Variants in CCDC175 observed in about 807,000 individuals in gnomAD.
The protein encoded by CCDC175 is coiled-coil domain containing 175.
Under a neutral mutation model 114.6 loss-of-function variants are expected in CCDC175, and 100 were observed. The ratio of observed to expected loss-of-function variants is 0.87; its 90% confidence interval spans 0.74 to 1.03. The LOEUF (loss-of-function observed/expected upper bound fraction) is 1.03, where lower values mean the gene tolerates loss of function less well. Ranked by LOEUF, CCDC175 falls within the 50% of genes least tolerant of loss-of-function variation. The probability of loss-of-function intolerance (pLI) is 0.00; values close to 1 mark genes in which losing one functional copy is unlikely to be tolerated. For missense variants in CCDC175, 880 were observed against 917.8 expected (o/e 0.96, Z 0.53); for synonymous variants, 306 against 308.7 (o/e 0.99, Z 0.09).
chr14:59,552,306 T>A (rs1354327927), intron 7 of CCDC175, among the ~76,000 whole-genome samples: 2 of 152,214 alleles, frequency 1.3e-5, no homozygotes, highest in African/African-American at 4.8e-5. Context: ...CATTTGCTGT[T>A]CAGCAATATT....
At chr14:59,567,135 C>T (rs1896599833) in intron 4 of CCDC175, among the ~76,000 whole-genome samples, 1 of 152,206 alleles carries the variant, frequency 6.6e-6, no homozygotes, top group Non-Finnish European at 1.5e-5. Context: ...ATATAAATAT[C>T]TAGCCTGGGT....
At position 59,552,382 on chromosome 14, in the gene CCDC175, C is replaced by T. The variant is rs370828545; in HGVS notation, c.954-946G>A. Among the ~76,000 whole-genome samples the T allele has an allele frequency of 1.3e-4, 20 of 152,338 alleles. 2 individuals are homozygous for T. Among genetic ancestry groups the T allele is most frequent in the Admixed American group, 8.5e-4 (13 of 15,306 alleles). On this transcript the variant is annotated intron_variant, in intron 7 of 19. Transcript: ENST00000537690. ...GGGTCTGGAGTGGACCTCCAGCAAA[C>T]TCCAACAGACCTGCAGCTGAGGGTC...
At chr14:59,549,391 T>C (rs1033249615) in intron 8 of CCDC175, among the ~76,000 whole-genome samples, 1 of 152,132 alleles carries the variant, frequency 6.6e-6, no homozygotes, top group African/African-American at 2.4e-5. Context: ...TGAGTGCCTG[T>C]AGTCTCAGCT....
In CCDC175 at chr14:59,546,200, T is replaced by C. The variant is rs142372396; in HGVS notation, c.1036-901A>G. On this transcript the variant is annotated intron_variant, in intron 8 of 19. Transcript: ENST00000537690. ...TGCACCTAGAGGCCATTATCCTAAG[T>C]GGATTAATGCAGAAGCAGAAAATGA... Among the ~76,000 whole-genome samples, 7 of 152,228 alleles carry C rather than the reference T, an allele frequency of 4.6e-5. No homozygotes were observed. The East Asian group carries it at 1.4e-3, about 29-fold the overall frequency.
intron 6 of CCDC175, among the ~76,000 whole-genome samples, chr14:59,562,141 G>T (rs1006516669): frequency 6.6e-6 from 1 of 152,228 alleles, no homozygotes; most frequent in African/African-American, 2.4e-5. Context: ...AGAGGCCTCT[G>T]ATCAATCATC....
intron 10 of CCDC175, 68 bp downstream of exon 10, chr14:59,543,276 G>A (rs1894897970): frequency 5.2e-6 from 3 of 571,722 alleles, no homozygotes; most frequent in South Asian, 2.9e-5. Flanking sequence ...TAGATTTACT[G>A]CTATCATTTA....
chr14:59,561,952 C>A (rs1427700080), intron 6 of CCDC175, among the ~76,000 whole-genome samples: 3 of 152,182 alleles, frequency 2.0e-5, no homozygotes, highest in Admixed American at 6.5e-5. Context: ...CCATCTAACC[C>A]TGGACAGCAA....
At chr14:59,524,391 C>T (rs143110223) in intron 16 of CCDC175, among the ~76,000 whole-genome samples, 138 of 152,186 alleles carry the variant, frequency 9.1e-4, no homozygotes, top group Middle Eastern at 3.4e-3. Context: ...GAGCTATAAT[C>T]AGTATGAAAT....
chr14:59,549,136 T>C (rs1895294628), intron 8 of CCDC175, among the ~76,000 whole-genome samples: 1 of 152,218 alleles, frequency 6.6e-6, no homozygotes, highest in Non-Finnish European at 1.5e-5. Flanking sequence ...AAAATGTGAA[T>C]TTTATATCCT....
Position 59,525,309 on chromosome 14 carries a change from C to T in CCDC175, c.1968G>A (p.Leu656=). The T allele has an allele frequency of 6.9e-7, 1 of 1,458,476 alleles. No homozygotes were observed. The highest frequency in any genetic ancestry group is 9.0e-7 in the Non-Finnish European group (1 of 1,115,848). 90.3% of individuals were successfully genotyped at this position (1,458,476 alleles called of 1,614,324 possible). A position where few individuals can be genotyped will look rare whatever the true frequency, so the allele number is the denominator to read the frequency against. Reference sequence around the variant, plus strand: ...CTTTTAATTTTTTATTTTCCAGGAGCAGAAGATCTGCTTTTTGGTCATTTA... The same window carrying T: ...CTTTTAATTTTTTATTTTCCAGGAGTAGAAGATCTGCTTTTTGGTCATTTA... The part of the protein sequence containing the change: ...FYINDQKADL[L]LLENKKLKEY... Residue 656 remains leucine, a synonymous_variant, in exon 16 of 20, where the codon CTG becomes CTA. Coordinates refer to ENST00000537690, the MANE Select transcript of CCDC175 (RefSeq NM_001164399.2).
At chr14:59,507,399 A>C (rs1230360412) in intron 19 of CCDC175, among the ~76,000 whole-genome samples, 1 of 152,188 alleles carries the variant, frequency 6.6e-6, no homozygotes, top group African/African-American at 2.4e-5. Flanking sequence ...CAGGGCCTGG[A>C]GTTTATTCAA....
intron 7 of CCDC175, among the ~76,000 whole-genome samples, chr14:59,555,977 A>C (rs752604223): frequency 1.5e-4 from 23 of 152,354 alleles, no homozygotes; most frequent in South Asian, 1.0e-3. Flanking sequence ...GACACAAACA[A>C]ATGGAAGAAC....
intron 13 of CCDC175, among the ~76,000 whole-genome samples, chr14:59,536,529 C>T (rs1246009562): frequency 2.0e-5 from 3 of 151,954 alleles, no homozygotes; most frequent in Admixed American, 6.6e-5. Flanking sequence ...ATGCCAGGCA[C>T]CTAGACTAAT....
chr14:59,576,106 C>A (rs1424368478), intron 1 of CCDC175, among the ~76,000 whole-genome samples: 1 of 152,130 alleles, frequency 6.6e-6, no homozygotes, highest in African/African-American at 2.4e-5. Context: ...TTTAACCTGG[C>A]CCTATCCAAG....
chr14:59,526,531 G>C (rs1241149260), intron 15 of CCDC175, among the ~76,000 whole-genome samples: 2 of 149,930 alleles, frequency 1.3e-5, no homozygotes, highest in Non-Finnish European at 3.0e-5. Context: ...ACTCGAGCCT[G>C]GGCAACAGAG....
At chr14:59,516,337 T>G (rs958467745) in intron 17 of CCDC175, among the ~76,000 whole-genome samples, 1 of 151,838 alleles carries the variant, frequency 6.6e-6, no homozygotes, top group African/African-American at 2.4e-5. Context: ...CTGAAGGAAA[T>G]AGAGACTCAA....
At chr14:59,537,212 G>T (rs2140024455) in intron 13 of CCDC175, among the ~76,000 whole-genome samples, 1 of 152,094 alleles carries the variant, frequency 6.6e-6, no homozygotes, top group Non-Finnish European at 1.5e-5. Flanking sequence ...CTTTCTTTTG[G>T]TTATTAATAT....
intron 19 of CCDC175, chr14:59,510,371 G>A (rs892638963): frequency 1.7e-5 from 5 of 292,106 alleles, no homozygotes; most frequent in African/African-American, 8.6e-5. Flanking sequence ...AGTTTAAAAA[G>A]CCTTCTCTGG....
chr14:59,534,190 C>G (rs760764418), intron 13 of CCDC175, among the ~76,000 whole-genome samples: 5 of 152,084 alleles, frequency 3.3e-5, no homozygotes, highest in African/African-American at 4.8e-5. Context: ...GTACTAGGTT[C>G]AGTGTAGCAA....
Sources: gnomAD v4.1 joint callset for allele counts (sites outside exome capture counted in the v4.1 genomes callset) on GRCh38, gnomAD v4.1.1 for gene constraint, MANE v1.5 for transcripts, NCBI Gene and HGNC (gene_info 2026-07-23, HGNC 2026-07-21) for gene names.